The following PTN variants were observed in gnomAD, a reference collection of about 807,000 sequenced individuals.
The protein encoded by PTN is heparin affin regulatory protein.
In PTN, 18 loss-of-function variants were observed where a neutral mutation model predicts 24.1. The ratio of observed to expected loss-of-function variants is 0.75; its 90% CI spans 0.52 to 1.11. The LOEUF (loss-of-function observed/expected upper bound fraction) is 1.11, where lower values mean the gene tolerates loss of function less well. Ranked by LOEUF, PTN falls within the 50% of genes least tolerant of loss-of-function variation. The pLI is 0.00. For missense variants in PTN, 163 were observed against 198.8 expected, an observed-to-expected ratio of 0.82 and a Z score of 1.08; for synonymous variants, 78 against 68.6, an observed-to-expected ratio of 1.14 and a Z score of -0.67.
chr7:137,240,802 T>C (rs1808615466), intron 4 of PTN, among the ~76,000 whole-genome samples: 1 of 152,208 alleles, frequency 6.6e-6, no homozygotes, highest in African/African-American at 2.4e-5. Context: ...TAGATACCTG[T>C]ATGGAATGAC....
intron 4 of PTN, 40 bp downstream of exon 4, chr7:137,251,190 A>G (rs1289775364): frequency 6.2e-7 from 1 of 1,602,554 alleles, no homozygotes; most frequent in East Asian, 2.2e-5. Flanking sequence ...ACCTGAGTCC[A>G]TCAATCCATT....
intron 1 of PTN, among the ~76,000 whole-genome samples, chr7:137,310,390 G>GTTTTTTTTTTTTTTT (rs36009703): frequency 1.5e-5 from 2 of 137,202 alleles, no homozygotes; most frequent in African/African-American, 2.7e-5. Context: ...AAGTTACCAT[G>GTTTTTTTTTTTTTTT]TTTTTTTTTT....
chr7:137,282,958 C>T (rs865821689), intron 1 of PTN, among the ~76,000 whole-genome samples: 1 of 152,122 alleles, frequency 6.6e-6, no homozygotes, highest in African/African-American at 2.4e-5. Context: ...GAGGATGAGG[C>T]TACTTGATTT....
intron 1 of PTN, among the ~76,000 whole-genome samples, chr7:137,300,643 G>A (rs1468798832): frequency 6.6e-6 from 1 of 151,910 alleles, no homozygotes; most frequent in Non-Finnish European, 1.5e-5. Flanking sequence ...ACAAAGAGGT[G>A]CTTGGAACTG....
intron 1 of PTN, among the ~76,000 whole-genome samples, chr7:137,335,812 C>A (rs1346157184): frequency 1.3e-5 from 2 of 151,916 alleles, no homozygotes; most frequent in African/African-American, 4.8e-5. Context: ...GTGAGAATAA[C>A]CAATTAAAAA....
chr7:137,262,400 C>T (rs754972734), intron 1 of PTN, among the ~76,000 whole-genome samples: 2 of 151,966 alleles, frequency 1.3e-5, no homozygotes, highest in Non-Finnish European at 2.9e-5. Context: ...TAATTCTTTC[C>T]CAGTTTTGTC....
chr7:137,247,968 T>G (rs992144629), intron 4 of PTN, among the ~76,000 whole-genome samples: 1 of 152,180 alleles, frequency 6.6e-6, no homozygotes, highest in African/African-American at 2.4e-5. Flanking sequence ...ATTAGAGATA[T>G]ACTCCTGGTC....
chr7:137,322,470 C>T (rs2128881291), intron 1 of PTN, among the ~76,000 whole-genome samples: 1 of 152,062 alleles, frequency 6.6e-6, no homozygotes, highest in African/African-American at 2.4e-5. Flanking sequence ...TAGTTTAGGA[C>T]CATAAAACTG....
intron 1 of PTN, among the ~76,000 whole-genome samples, chr7:137,290,747 G>A (rs1241389024): frequency 6.6e-6 from 1 of 151,784 alleles, no homozygotes; most frequent in Non-Finnish European, 1.5e-5. Flanking sequence ...ACATTCAAGG[G>A]CTTTTGACTT....
intron 1 of PTN, among the ~76,000 whole-genome samples, chr7:137,271,891 T>G (rs1216914159): frequency 6.6e-6 from 1 of 152,208 alleles, no homozygotes; most frequent in Non-Finnish European, 1.5e-5. Flanking sequence ...CCCACAAAGT[T>G]TTGGGATTAG....
At chr7:137,298,564 A>C (rs1463865579) in intron 1 of PTN, among the ~76,000 whole-genome samples, 3 of 150,888 alleles carry the variant, frequency 2.0e-5, no homozygotes, top group African/African-American at 7.3e-5. Context: ...TTCTGTGCAC[A>C]CTCTTGGTGG....
intron 1 of PTN, among the ~76,000 whole-genome samples, chr7:137,300,489 A>C (rs1244239076): frequency 6.6e-6 from 1 of 151,894 alleles, no homozygotes; most frequent in Non-Finnish European, 1.5e-5. Flanking sequence ...AACAGAGAGG[A>C]TATTGGGGCA....
chr7:137,326,942 C>CATGAATGAATGA (rs112322798), intron 1 of PTN: 9 of 150,966 alleles, frequency 6.0e-5, no homozygotes, highest in East Asian at 2.0e-4. Context: ...TAAATGAACA[C>CATGAATGAATGA]ATGAATGAAT....
At chr7:137,228,098 C>CAGAAAGAG in intron 4 of PTN, 23 bp from the exon 5 acceptor site, 2 of 1,425,432 alleles carry the variant, frequency 1.4e-6, no homozygotes, top group Non-Finnish European at 2.0e-6. Flanking sequence ...AAAAGAGAGA[C>CAGAAAGAG]AGAAAGAGAG....
At position 137,268,126 on chromosome 7, in the gene PTN, C is replaced by T. The variant is rs143783296; in HGVS notation, c.-1-13152G>A. Among the ~76,000 whole-genome samples, 1,500 of 152,172 alleles carry T rather than the reference C, an allele frequency of 9.9e-3. 29 individuals are homozygous for T. Among genetic ancestry groups the T allele is most frequent in the African/African-American group, 0.034 (1,420 of 41,516 alleles). ...CAAGTGCCAAGTGCCAGTTCCTTCC[C>T]GGTGTTCAGCCACTGCGTTGATCCT... On this transcript the variant is annotated intron_variant, in intron 1 of 4. Coordinates refer to ENST00000348225, the MANE Select transcript of PTN (RefSeq NM_002825.7).
At chr7:137,286,816 A>G (rs1268738163) in intron 1 of PTN, among the ~76,000 whole-genome samples, 1 of 152,226 alleles carries the variant, frequency 6.6e-6, no homozygotes, top group Non-Finnish European at 1.5e-5. Context: ...GCATGTTTCC[A>G]TACTTAGTTG....
intron 4 of PTN, among the ~76,000 whole-genome samples, chr7:137,250,405 T>C (rs1433101037): frequency 1.3e-5 from 2 of 152,186 alleles, no homozygotes; most frequent in African/African-American, 2.4e-5. Flanking sequence ...TCTCCCTTCT[T>C]ATAAACACAC....
intron 1 of PTN, among the ~76,000 whole-genome samples, chr7:137,340,434 T>C (rs1422187009): frequency 6.6e-6 from 1 of 152,100 alleles, no homozygotes; most frequent in Non-Finnish European, 1.5e-5. Flanking sequence ...TTGAAGTGGA[T>C]GGAAAAATAG....
At chr7:137,338,280 T>C (rs986472095) in intron 1 of PTN, among the ~76,000 whole-genome samples, 2 of 152,188 alleles carry the variant, frequency 1.3e-5, no homozygotes, top group Non-Finnish European at 2.9e-5. Context: ...GAAAAGGACA[T>C]CTACAGGGAG....
Sources: allele counts gnomAD v4.1 joint callset (sites outside exome capture counted in the v4.1 genomes callset), GRCh38; gene constraint gnomAD v4.1.1; transcripts MANE v1.5; gene names NCBI Gene and HGNC (gene_info 2026-07-23, HGNC 2026-07-21).